Variants in CD247 observed in about 807,000 individuals in gnomAD.
CD247 encodes the protein T-cell surface glycoprotein CD3 zeta chain.
In CD247, 13 loss-of-function variants were observed where a neutral mutation model predicts 30.0. That is an observed-to-expected ratio of 0.43 (90% CI 0.28 to 0.69). CD247 has a LOEUF of 0.69. CD247 is among the 30% of genes least tolerant of loss of function. The probability of loss-of-function intolerance (pLI) is 0.16; values close to 1 mark genes in which losing one functional copy is unlikely to be tolerated. For synonymous variants in CD247, 72 were observed against 80.0 expected, an observed-to-expected ratio of 0.90 and a Z score of 0.53; for missense variants, 193 against 212.6, an observed-to-expected ratio of 0.91 and a Z score of 0.57.
chr1:167,491,504 T>C (rs2102079292), intron 1 of CD247, among the ~76,000 whole-genome samples: 1 of 151,598 alleles, frequency 6.6e-6, no homozygotes, highest in African/African-American at 2.4e-5. Flanking sequence ...GGAAGGGAGG[T>C]TGCAGTGAGC....
intron 1 of CD247, among the ~76,000 whole-genome samples, chr1:167,443,296 A>G (rs565802399): frequency 1.6e-4 from 25 of 152,280 alleles, no homozygotes; most frequent in African/African-American, 5.8e-4. Flanking sequence ...CAATCACTCG[A>G]TATCATGGAA....
intron 1 of CD247, among the ~76,000 whole-genome samples, chr1:167,489,863 T>C (rs1011717389): frequency 6.6e-6 from 1 of 152,178 alleles, no homozygotes; most frequent in Non-Finnish European, 1.5e-5. Flanking sequence ...CAAAAGCAGT[T>C]TTTAAAATGC....
rs1355204281 is a variant in CD247, at chr1:167,431,447, A to T, written c.*234T>A. ...ACAGGTCTACCTGCACCACCGGCAA[A>T]CCAGAGGGCCCAAGGCCAGGGCCGT... is the stretch of plus-strand genomic sequence containing the variant. On this transcript the variant is annotated 3_prime_UTR_variant, in exon 8 of 8. Coordinates refer to ENST00000362089, the MANE Select transcript of CD247 (RefSeq NM_198053.3). The T allele has an allele frequency of 1.6e-6, 1 of 607,222 alleles. No homozygotes were observed. Among genetic ancestry groups the T allele is most frequent in the East Asian group, 2.7e-5 (1 of 36,472 alleles). 37.6% of individuals were successfully genotyped at this position (607,222 alleles called of 1,614,324 possible). A position where few individuals can be genotyped will look rare whatever the true frequency, so the allele number is the denominator to read the frequency against.
chr1:167,432,883 T>C (rs909638331), intron 7 of CD247, 141 bp downstream of exon 7: 15 of 817,944 alleles, frequency 1.8e-5, no homozygotes, highest in African/African-American at 5.1e-5. Flanking sequence ...GCGTTGCCAC[T>C]GGCCTAAATG....
chr1:167,438,668 G>T lies in CD247; in HGVS notation c.220-18C>A. On this transcript the variant is annotated intron_variant, in intron 3 of 7. Coordinates refer to ENST00000362089, the MANE Select transcript of CD247 (RefSeq NM_198053.3). ...TTGAGCTCCTATAACAGATAAGAAAGTGTCAGACACAGGACGGAGGAACCT... is the reference window on the plus strand; with the variant it reads ...TTGAGCTCCTATAACAGATAAGAAATTGTCAGACACAGGACGGAGGAACCT... 1 of 1,598,866 alleles carries T rather than the reference G, an allele frequency of 6.3e-7. No homozygotes were observed. Among genetic ancestry groups the T allele is most frequent in the Non-Finnish European group, 8.6e-7 (1 of 1,166,146 alleles).
At chr1:167,496,798 G>T (rs922834072) in intron 1 of CD247, among the ~76,000 whole-genome samples, 1 of 152,212 alleles carries the variant, frequency 6.6e-6, no homozygotes, top group African/African-American at 2.4e-5. Context: ...AGCTCCATCT[G>T]TTGGACAGCA....
intron 1 of CD247, among the ~76,000 whole-genome samples, chr1:167,475,269 G>C (rs924299224): frequency 6.6e-6 from 1 of 152,076 alleles, no homozygotes; most frequent in African/African-American, 2.4e-5. Context: ...CAACATCAAC[G>C]ATGATCAGCT....
chr1:167,501,923 A>C (rs1342684486), intron 1 of CD247, among the ~76,000 whole-genome samples: 5 of 152,228 alleles, frequency 3.3e-5, no homozygotes, highest in Non-Finnish European at 1.5e-5. Context: ...TGCCCGCTTG[A>C]ATTGCCACTC....
chr1:167,486,530 G>A (rs1383565224), intron 1 of CD247, among the ~76,000 whole-genome samples: 4 of 152,264 alleles, frequency 2.6e-5, no homozygotes, highest in African/African-American at 9.6e-5. Context: ...CTCAGGCCCA[G>A]CCGCCGGTCC....
At chr1:167,469,652 C>T (rs1460455278) in intron 1 of CD247, among the ~76,000 whole-genome samples, 1 of 152,012 alleles carries the variant, frequency 6.6e-6, no homozygotes, top group Non-Finnish European at 1.5e-5. Flanking sequence ...AATAATTAGG[C>T]CTGAAAGCAG....
intron 1 of CD247, among the ~76,000 whole-genome samples, chr1:167,513,389 G>T (rs2102123369): frequency 1.3e-5 from 2 of 152,172 alleles, no homozygotes; most frequent in South Asian, 4.2e-4. Flanking sequence ...TTATTGGGCT[G>T]GCTTGGTAGG....
At chr1:167,466,603 T>A (rs185520003) in intron 1 of CD247, among the ~76,000 whole-genome samples, 29 of 152,340 alleles carry the variant, frequency 1.9e-4, no homozygotes, top group African/African-American at 6.0e-4. Flanking sequence ...CGTGTGTATG[T>A]GTGTATATAC....
chr1:167,487,121 A>G (rs1433790242), intron 1 of CD247, among the ~76,000 whole-genome samples: 1 of 148,606 alleles, frequency 6.7e-6, no homozygotes, highest in Non-Finnish European at 1.5e-5. Context: ...GTTCACATCT[A>G]TAATTCCAGC....
At chr1:167,478,704 A>G (rs1014299593) in intron 1 of CD247, among the ~76,000 whole-genome samples, 2 of 152,208 alleles carry the variant, frequency 1.3e-5, no homozygotes, top group African/African-American at 4.8e-5. Context: ...AGTTGTTGTG[A>G]GGAATAAGTA....
chr1:167,440,584 C>T lies in CD247; in HGVS notation c.162+80G>A, dbSNP rs1419097212. The T allele has an allele frequency of 4.3e-6, 4 of 937,502 alleles. No homozygotes were observed. The Admixed American group carries it at 5.7e-5, about 13-fold the overall frequency. 58.1% of individuals were successfully genotyped at this position (937,502 alleles called of 1,614,324 possible). A position where few individuals can be genotyped will look rare whatever the true frequency, so the allele number is the denominator to read the frequency against. On this transcript the variant is annotated intron_variant, in intron 2 of 7. Coordinates refer to ENST00000362089, the MANE Select transcript of CD247 (RefSeq NM_198053.3). ...CCCCAGGCACCACCCGAGCTTGAGA[C>T]CTTCCAAGACCAAGGCCCCTCTGAA... is the stretch of plus-strand genomic sequence containing the variant.
intron 1 of CD247, among the ~76,000 whole-genome samples, chr1:167,483,490 C>G (rs546954906): frequency 6.6e-6 from 1 of 152,182 alleles, no homozygotes; most frequent in African/African-American, 2.4e-5. Flanking sequence ...TAGTTTTTCC[C>G]ACAAGGGAGC....
chr1:167,488,884 G>A lies in CD247; in HGVS notation c.58+29524C>T, dbSNP rs181782157. Among the ~76,000 whole-genome samples the A allele has an allele frequency of 4.1e-4, 63 of 152,334 alleles. 1 individual carries two copies. Among genetic ancestry groups the A allele is most frequent in the African/African-American group, 1.5e-3 (61 of 41,566 alleles). ...AGACAGCTCCGAATAAAAACCCAGG[G>A]AAGCGAGGGTGTGCTGAGCCCAGGG... On this transcript the variant is annotated intron_variant, in intron 1 of 7. Coordinates refer to ENST00000362089, the MANE Select transcript of CD247 (RefSeq NM_198053.3).
rs1218368673 is a variant in CD247 at position 167,431,484 on chromosome 1, G to T, written c.*197C>A. The T allele has an allele frequency of 1.5e-5, 10 of 654,876 alleles. No homozygotes were observed. The highest frequency in any genetic ancestry group is 2.5e-5 in the Non-Finnish European group (9 of 360,462). The allele number at this position is 654,876 out of a possible 1,614,324, so 40.6% of individuals were successfully genotyped here. On this transcript the variant is annotated 3_prime_UTR_variant, in exon 8 of 8. Transcript: ENST00000362089. Reference sequence around the variant, plus strand: ...AAGGCCAGGGCCGTAAGCCCTGGGAGTACACTCCCTTAAAGAGTGCAGGGA... The same window carrying T: ...AAGGCCAGGGCCGTAAGCCCTGGGATTACACTCCCTTAAAGAGTGCAGGGA...
chr1:167,486,322 G>T (rs976114946), intron 1 of CD247, among the ~76,000 whole-genome samples: 2 of 152,242 alleles, frequency 1.3e-5, no homozygotes, highest in Non-Finnish European at 2.9e-5. Context: ...CCCTGGCCTC[G>T]GAGGGAGAGG....
Sources: allele counts gnomAD v4.1 joint callset (sites outside exome capture counted in the v4.1 genomes callset), GRCh38; gene constraint gnomAD v4.1.1; transcripts MANE v1.5; gene names NCBI Gene and HGNC (gene_info 2026-07-23, HGNC 2026-07-21).